Variants in GAS2L3 observed in about 807,000 individuals in gnomAD.
The protein encoded by GAS2L3 is GAS2-like protein 3.
Under a neutral mutation model 37.0 loss-of-function variants are expected in GAS2L3, and 28 were observed. The ratio of observed to expected loss-of-function variants is 0.76; its 90% CI spans 0.56 to 1.04. The LOEUF (loss-of-function observed/expected upper bound fraction) is 1.04. GAS2L3 is among the 50% of genes least tolerant of loss of function. The pLI, the probability that GAS2L3 is intolerant of heterozygous loss-of-function variation, is 0.00. For missense variants in GAS2L3, 793 were observed against 817.6 expected (o/e 0.97, Z 0.37); for synonymous variants, 290 against 296.6 (o/e 0.98, Z 0.23).
rs1048071036 is a variant in GAS2L3, at chr12:100,625,055, T to A, written c.*165T>A. ...GTTCATCAGAATTCACATATCTGAA[T>A]TCACTGGAAAGAGCCCTTCTGAAGC... is the stretch of plus-strand genomic sequence containing the variant. On this transcript the variant is annotated 3_prime_UTR_variant, in exon 10 of 10. Coordinates refer to ENST00000547754, the MANE Select transcript of GAS2L3 (RefSeq NM_174942.3). 27 of 565,998 alleles carry A rather than the reference T, an allele frequency of 4.8e-5. No homozygotes were observed. In the African/African-American group the frequency reaches 5.0e-4, roughly 11 times the overall value. The allele number at this position is 565,998 out of a possible 1,614,324, so 35.1% of individuals were successfully genotyped here.
chr12:100,597,836 C>T (rs1422529471), intron 3 of GAS2L3, among the ~76,000 whole-genome samples: 2 of 151,996 alleles, frequency 1.3e-5, no homozygotes, highest in Non-Finnish European at 2.9e-5. Context: ...TATAGTAAGA[C>T]TTGCCTCAAA....
In GAS2L3 at chr12:100,579,121, T is replaced by C. The variant is rs540704746; in HGVS notation, c.-152+5336T>C. 4 of 704,310 alleles carry C rather than the reference T, an allele frequency of 5.7e-6. No homozygotes were observed. The African/African-American group carries it at 7.0e-5, about 12-fold the overall frequency. 43.6% of individuals were successfully genotyped at this position (704,310 alleles called of 1,614,324 possible). A position where few individuals can be genotyped will look rare whatever the true frequency, so the allele number is the denominator to read the frequency against. ...TTCAGGAGAGAGTCACAATAATCCA[T>C]TCACATAGTTCATTTTCTGCCATGG... is the stretch of plus-strand genomic sequence containing the variant. On this transcript the variant is annotated intron_variant, in intron 1 of 9. Transcript: ENST00000547754.
chr12:100,580,436 C>G (rs1198707246), intron 1 of GAS2L3, among the ~76,000 whole-genome samples: 6 of 152,258 alleles, frequency 3.9e-5, no homozygotes, highest in East Asian at 3.9e-4. Context: ...TTAAACCATT[C>G]AGGTATTAAA....
rs376142667 is a variant in GAS2L3, at chr12:100,603,523, A to G, written c.303+1770A>G. Among the ~76,000 whole-genome samples, 213 of 152,236 alleles carry G rather than the reference A, an allele frequency of 1.4e-3. 1 individual carries two copies. The highest frequency in any genetic ancestry group is 2.0e-3 in the African/African-American group (82 of 41,566). Reference sequence around the variant, plus strand: ...CTACAGAGTTGTTTGAGCTCCTTATATATTCTACTTATTAATCCTTTGTCA... The same window carrying G: ...CTACAGAGTTGTTTGAGCTCCTTATGTATTCTACTTATTAATCCTTTGTCA... On this transcript the variant is annotated intron_variant, in intron 5 of 9. Coordinates refer to ENST00000547754, the MANE Select transcript of GAS2L3 (RefSeq NM_174942.3).
chr12:100,611,571 C>CG (rs1956127237), intron 5 of GAS2L3, among the ~76,000 whole-genome samples: 1 of 152,010 alleles, frequency 6.6e-6, no homozygotes, highest in Admixed American at 6.6e-5. Context: ...CAGATTTGGG[C>CG]GGGGGTGGTT....
intron 4 of GAS2L3, among the ~76,000 whole-genome samples, chr12:100,600,773 C>G (rs192990827): frequency 1.3e-5 from 2 of 152,020 alleles, no homozygotes; most frequent in South Asian, 4.1e-4. Flanking sequence ...GCGATTTAAC[C>G]GAAGAGGTCA....
At chr12:100,608,356 C>T (rs895277059) in intron 5 of GAS2L3, among the ~76,000 whole-genome samples, 15 of 152,168 alleles carry the variant, frequency 9.9e-5, no homozygotes, top group African/African-American at 2.9e-4. Context: ...CACTGGGTCT[C>T]GCCCAAGACC....
At chr12:100,616,373 C>A (rs1013985456) in intron 6 of GAS2L3, among the ~76,000 whole-genome samples, 3 of 152,062 alleles carry the variant, frequency 2.0e-5, no homozygotes, top group Admixed American at 2.0e-4. Flanking sequence ...TTTGTAGATT[C>A]TTCAGGGTTT....
At chr12:100,590,772 G>A (rs554518103) in intron 1 of GAS2L3, among the ~76,000 whole-genome samples, 12 of 152,284 alleles carry the variant, frequency 7.9e-5, no homozygotes, top group African/African-American at 2.9e-4. Context: ...TGAATTAACA[G>A]CATTTGCAGT....
intron 5 of GAS2L3, among the ~76,000 whole-genome samples, chr12:100,605,258 T>C (rs1420178582): frequency 3.9e-5 from 6 of 151,978 alleles, no homozygotes; most frequent in Non-Finnish European, 7.4e-5. Flanking sequence ...ACGGCTTTGA[T>C]CTTGTTACTT....
intron 6 of GAS2L3, among the ~76,000 whole-genome samples, chr12:100,612,786 T>C (rs1023337176): frequency 6.6e-6 from 1 of 152,110 alleles, no homozygotes; most frequent in African/African-American, 2.4e-5. Context: ...ATTCATAATG[T>C]GATAAGTGCA....
At chr12:100,609,287 A>G (rs1860630170) in intron 5 of GAS2L3, among the ~76,000 whole-genome samples, 2 of 152,182 alleles carry the variant, frequency 1.3e-5, no homozygotes, top group Admixed American at 1.3e-4. Context: ...ACCTGAAGCT[A>G]GCATGTCTCA....
chr12:100,575,255 G>C (rs763442909), intron 1 of GAS2L3, among the ~76,000 whole-genome samples: 1 of 151,876 alleles, frequency 6.6e-6, no homozygotes, highest in Non-Finnish European at 1.5e-5. Context: ...TCTCCCCAAA[G>C]GATGGGGAGA....
At chr12:100,578,669 A>G (rs916496952) in intron 1 of GAS2L3, 2 of 311,430 alleles carry the variant, frequency 6.4e-6, no homozygotes, top group Admixed American at 4.3e-5. Context: ...ACAGGTGGCC[A>G]TGGAACTCGC....
intron 6 of GAS2L3, among the ~76,000 whole-genome samples, chr12:100,613,217 A>C (rs565675102): frequency 6.6e-6 from 1 of 152,234 alleles, no homozygotes; most frequent in Non-Finnish European, 1.5e-5. Context: ...TATATTTCTC[A>C]TTTTCAGTAG....
chr12:100,611,849 A>G, intron 5 of GAS2L3, 151 bp from the exon 6 acceptor site: 1 of 618,676 alleles, frequency 1.6e-6, no homozygotes, highest in South Asian at 2.0e-5. Context: ...AAAGTAAAAT[A>G]AAATAGTTTT....
intron 6 of GAS2L3, among the ~76,000 whole-genome samples, chr12:100,613,196 T>C (rs1352071751): frequency 5.9e-5 from 9 of 152,334 alleles, no homozygotes; most frequent in Non-Finnish European, 1.5e-5. Context: ...TGAAAGGACA[T>C]AAGATTGTTG....
intron 5 of GAS2L3, among the ~76,000 whole-genome samples, chr12:100,610,386 C>A (rs1184377349): frequency 3.9e-5 from 6 of 152,140 alleles, no homozygotes; most frequent in Non-Finnish European, 1.5e-5. Context: ...CATACACACA[C>A]AAATCAAATT....
intron 1 of GAS2L3, among the ~76,000 whole-genome samples, chr12:100,583,085 G>A (rs957065421): frequency 1.3e-5 from 2 of 152,210 alleles, no homozygotes; most frequent in Admixed American, 6.5e-5. Flanking sequence ...GAAAGAATTC[G>A]GGACAAGTCC....
Sources: allele counts gnomAD v4.1 joint callset (sites outside exome capture counted in the v4.1 genomes callset), GRCh38; gene constraint gnomAD v4.1.1; transcripts MANE v1.5; gene names NCBI Gene and HGNC (gene_info 2026-07-23, HGNC 2026-07-21).